VPS45: variants seen among roughly 807,000 people sequenced by gnomAD.
VPS45 encodes the protein vacuolar protein sorting 45 homolog, also known as vacuolar protein sorting-associated protein 45.
Under a neutral mutation model 75.9 loss-of-function variants are expected in VPS45, and 35 were observed. That is an observed-to-expected ratio of 0.46 (90% CI 0.35 to 0.61). The LOEUF is 0.61. Ranked by LOEUF, VPS45 falls within the 20% of genes least tolerant of loss-of-function variation. VPS45 has a pLI of 0.00. For synonymous variants in VPS45, 220 were observed against 238.2 expected, an observed-to-expected ratio of 0.92 and a Z score of 0.70; for missense variants, 559 against 685.9, an observed-to-expected ratio of 0.81 and a Z score of 2.07.
At chr1:150,134,952 C>G in intron 14 of VPS45, among the ~76,000 whole-genome samples, 1 of 152,168 alleles carries the variant, frequency 6.6e-6, no homozygotes, top group East Asian at 1.9e-4. Context: ...GCTGCCTTTA[C>G]TATTCAAGGC....
intron 10 of VPS45, among the ~76,000 whole-genome samples, chr1:150,088,221 C>G (rs1292774630): frequency 1.3e-5 from 2 of 151,996 alleles, no homozygotes; most frequent in Non-Finnish European, 2.9e-5. Context: ...TCTAACCACC[C>G]CTATCCTTCA....
At position 150,076,988 on chromosome 1, in the gene VPS45, T is replaced by C; in HGVS notation, c.438+4T>C. ...CAATATTTTGGGTTGCTGCCAGGTA[T>C]GGAAGGAAAGGTTTAATTTATCAGT... On this transcript the variant is annotated splice_donor_region_variant and intron_variant, in intron 5 of 14. Coordinates refer to ENST00000644510, the MANE Select transcript of VPS45 (RefSeq NM_007259.5). 1 of 1,614,132 alleles carries C rather than the reference T, an allele frequency of 6.2e-7. No homozygotes were observed. Among genetic ancestry groups the C allele is most frequent in the East Asian group, 2.2e-5 (1 of 44,852 alleles).
At chr1:150,129,913 G>A (rs1296533200) in intron 14 of VPS45, among the ~76,000 whole-genome samples, 1 of 149,474 alleles carries the variant, frequency 6.7e-6, no homozygotes, top group Non-Finnish European at 1.5e-5. Flanking sequence ...ATGCAGTGGT[G>A]TGATCATAGT....
At chr1:150,079,427 T>C (rs1655573537) in intron 7 of VPS45, among the ~76,000 whole-genome samples, 1 of 152,180 alleles carries the variant, frequency 6.6e-6, no homozygotes, top group Non-Finnish European at 1.5e-5. Context: ...TATGTATTTA[T>C]TGAGACAGAG....
chr1:150,097,001 T>TC lies in VPS45; in HGVS notation c.1493+3353_1493+3354insC, dbSNP rs1259750217. Among the ~76,000 whole-genome samples the TC allele has an allele frequency of 4.7e-3, 720 of 151,744 alleles. 4 individuals carry two copies. The highest frequency in any genetic ancestry group is 0.017 in the African/African-American group (686 of 41,396). ...ACAGTACAATATTACGTATTCTTTT[T>TC]TTTTTAAATGACATAACTCCTCACG... On this transcript the variant is annotated intron_variant, in intron 13 of 14. Coordinates refer to ENST00000644510, the MANE Select transcript of VPS45 (RefSeq NM_007259.5).
intron 10 of VPS45, among the ~76,000 whole-genome samples, chr1:150,084,211 AAC>A (rs1655883905): frequency 6.6e-6 from 1 of 152,196 alleles, no homozygotes; most frequent in Admixed American, 6.5e-5. Context: ...GTAAACAAAA[AAC>A]AGTTTACAAG....
intron 14 of VPS45, among the ~76,000 whole-genome samples, chr1:150,143,951 CAT>C (rs587650695): frequency 8.5e-4 from 129 of 152,244 alleles, no homozygotes; most frequent in African/African-American, 3.0e-3. Flanking sequence ...TATACACACA[CAT>C]GGCTTTAAAC....
chr1:150,129,532 A>T (rs1315309531), intron 14 of VPS45, among the ~76,000 whole-genome samples: 1 of 152,028 alleles, frequency 6.6e-6, no homozygotes, highest in Non-Finnish European at 1.5e-5. Context: ...TTTTGCTATG[A>T]ATGTATACAC....
chr1:150,074,051 G>T (rs1655232155), intron 3 of VPS45, among the ~76,000 whole-genome samples: 1 of 139,108 alleles, frequency 7.2e-6, no homozygotes, highest in African/African-American at 2.7e-5. Context: ...GTCTTGCTTT[G>T]TCACCCAGGC....
At chr1:150,128,888 TG>T (rs2101643712) in intron 14 of VPS45, among the ~76,000 whole-genome samples, 1 of 152,274 alleles carries the variant, frequency 6.6e-6, no homozygotes, top group South Asian at 2.1e-4. Context: ...TACAAGTGCG[TG>T]CCACCACGCC....
chr1:150,125,673 A>G (rs1658477780), intron 14 of VPS45, among the ~76,000 whole-genome samples: 1 of 37,322 alleles, frequency 2.7e-5, no homozygotes, highest in Admixed American at 3.7e-4. Context: ...TAGGAGATAT[A>G]TTTTTTATTT....
intron 7 of VPS45, among the ~76,000 whole-genome samples, chr1:150,081,118 C>T (rs782244798): frequency 9.2e-5 from 14 of 152,032 alleles, no homozygotes; most frequent in Non-Finnish European, 1.9e-4. Flanking sequence ...GCCCTTTTTC[C>T]AAAAGTATGA....
chr1:150,117,796 C>T (rs113082139), intron 14 of VPS45, among the ~76,000 whole-genome samples: 16,074 of 149,780 alleles, frequency 0.11, 1,196 homozygotes, highest in Non-Finnish European at 0.17. Context: ...GAGGCGGAGG[C>T]TGTAGTAAGC....
chr1:150,087,939 G>A (rs1180708775), intron 10 of VPS45, among the ~76,000 whole-genome samples: 1 of 151,908 alleles, frequency 6.6e-6, no homozygotes, highest in Non-Finnish European at 1.5e-5. Context: ...ATTTTTTTTA[G>A]GATTGATGCA....
At chr1:150,132,969 G>T (rs1314197680) in intron 14 of VPS45, among the ~76,000 whole-genome samples, 1 of 152,130 alleles carries the variant, frequency 6.6e-6, no homozygotes, top group Non-Finnish European at 1.5e-5. Flanking sequence ...GTTACATTTT[G>T]GGGAGATAAA....
chr1:150,143,234 T>C (rs587643225), intron 14 of VPS45, among the ~76,000 whole-genome samples: 1 of 152,260 alleles, frequency 6.6e-6, no homozygotes, highest in Non-Finnish European at 1.5e-5. Context: ...TGTATTTATG[T>C]ATGTATGTAT....
Position 150,069,747 on chromosome 1 carries a change from T to C in VPS45, c.228+983T>C, listed in dbSNP as rs1007471025. Among the ~76,000 whole-genome samples, 6 of 152,282 alleles carry C rather than the reference T, an allele frequency of 3.9e-5. No homozygotes were observed. In the East Asian group the frequency reaches 1.2e-3, roughly 29 times the overall value. Reference sequence around the variant, plus strand: ...CTGGGATTACAGGCGGGAGCCACCGTGCCCGGCTGTTATACTTTCTTGATT... The same window carrying C: ...CTGGGATTACAGGCGGGAGCCACCGCGCCCGGCTGTTATACTTTCTTGATT... On this transcript the variant is annotated intron_variant, in intron 2 of 14. Coordinates refer to ENST00000644510, the MANE Select transcript of VPS45 (RefSeq NM_007259.5).
rs1247076885 is a variant in VPS45, at chr1:150,067,810, C to T, written c.-48C>T. ...CCAACAGACTGGGGGTTAATTTAGC[C>T]AGAAAAGGGGGCGGGAAGGGCTGTA... is the stretch of plus-strand genomic sequence containing the variant. On this transcript the variant is annotated 5_prime_UTR_variant, in exon 1 of 15. Coordinates refer to ENST00000644510, the MANE Select transcript of VPS45 (RefSeq NM_007259.5). 1 of 1,591,762 alleles carries T rather than the reference C, an allele frequency of 6.3e-7. No homozygotes were observed. Among genetic ancestry groups the T allele is most frequent in the Admixed American group, 1.7e-5 (1 of 59,118 alleles).
chr1:150,087,001 C>A (rs1255589130), intron 10 of VPS45, among the ~76,000 whole-genome samples: 2 of 149,916 alleles, frequency 1.3e-5, no homozygotes, highest in African/African-American at 4.9e-5. Flanking sequence ...ATCTTTATTA[C>A]CAAGACCAAC....
Sources: gnomAD v4.1 joint callset for allele counts (sites outside exome capture counted in the v4.1 genomes callset) on GRCh38, gnomAD v4.1.1 for gene constraint, MANE v1.5 for transcripts, NCBI Gene and HGNC (gene_info 2026-07-23, HGNC 2026-07-21) for gene names.